The following CCT2 variants were observed in gnomAD, a reference collection of about 807,000 sequenced individuals.
CCT2 encodes chaperonin containing TCP1 subunit 2.
Under a neutral mutation model 61.8 loss-of-function variants are expected in CCT2, and 18 were observed. The ratio of observed to expected loss-of-function variants is 0.29; its 90% CI spans 0.20 to 0.43. The LOEUF is 0.43. CCT2 is among the 20% of genes least tolerant of loss of function. CCT2 has a pLI of 1.00. For synonymous variants in CCT2, 248 were observed against 215.9 expected (o/e 1.15, Z -1.30); for missense variants, 556 against 656.9 (o/e 0.85, Z 1.68).
intron 15 of CCT2, 28 bp downstream of exon 15, chr12:69,600,032 T>G (rs1447644297): frequency 1.3e-6 from 2 of 1,578,074 alleles, no homozygotes; most frequent in East Asian, 4.5e-5. Context: ...TCAGAAAAAA[T>G]TACTAACAGC....
intron 14 of CCT2, 79 bp from the exon 15 acceptor site, chr12:69,599,784 A>T: frequency 1.7e-6 from 2 of 1,197,266 alleles, no homozygotes; most frequent in Non-Finnish European, 2.4e-6. Context: ...TAATAGGATT[A>T]ATTTTTATTA....
At chr12:69,587,055 T>C (rs1438421068) in intron 3 of CCT2, 1 of 415,710 alleles carries the variant, frequency 2.4e-6, no homozygotes, top group Non-Finnish European at 4.2e-6. Context: ...TCTGTTTATG[T>C]AGAAGTATGT....
intron 8 of CCT2, 47 bp from the exon 9 acceptor site, chr12:69,592,929 A>C: frequency 6.3e-7 from 1 of 1,590,814 alleles, no homozygotes; most frequent in African/African-American, 1.4e-5. Flanking sequence ...CTCAATCTCA[A>C]AAAAAATAAT....
At chr12:69,595,813 CTG>C (rs1276804826) in intron 10 of CCT2, among the ~76,000 whole-genome samples, 5 of 151,674 alleles carry the variant, frequency 3.3e-5, no homozygotes, top group African/African-American at 1.2e-4. Context: ...AGTACACCAA[CTG>C]TATGTCTATG....
chr12:69,601,565 C>T lies in CCT2; in HGVS notation c.*240C>T. On this transcript the variant is annotated 3_prime_UTR_variant, in exon 16 of 16. Coordinates refer to ENST00000299300, the MANE Select transcript of CCT2 (RefSeq NM_006431.3). The stretch of plus-strand genomic sequence containing the variant: ...CTGTGCATTAAAATAAAAATTTGAA[C>T]AATTACTTGGTTCTTATGTCTTATA... The T allele has an allele frequency of 7.7e-7, 1 of 1,299,420 alleles. No individual in the cohort carries two copies. Among genetic ancestry groups the T allele is most frequent in the Non-Finnish European group, 1.0e-6 (1 of 998,298 alleles). The allele number at this position is 1,299,420 out of a possible 1,614,324, so 80.5% of individuals were successfully genotyped here.
intron 10 of CCT2, among the ~76,000 whole-genome samples, chr12:69,596,551 TTGGTC>T (rs1881998926): frequency 6.6e-6 from 1 of 152,158 alleles, no homozygotes. Flanking sequence ...CTTATTAAAT[TTGGTC>T]TGGGAAATTC....
At chr12:69,588,289 TA>T in intron 6 of CCT2, 27 bp downstream of exon 6, 2 of 1,463,630 alleles carry the variant, frequency 1.4e-6, no homozygotes, top group South Asian at 1.1e-5. Flanking sequence ...ACTACTGTTC[TA>T]AACATTTAGT....
intron 3 of CCT2, chr12:69,587,090 C>A: frequency 2.8e-6 from 1 of 363,210 alleles, no homozygotes; most frequent in Non-Finnish European, 4.9e-6. Flanking sequence ...ATTTTATACT[C>A]ATGTAACATA....
chr12:69,594,991 A>G (rs1881945322), intron 10 of CCT2, among the ~76,000 whole-genome samples: 1 of 152,244 alleles, frequency 6.6e-6, no homozygotes, highest in Non-Finnish European at 1.5e-5. Context: ...CCTGGAAAAT[A>G]AGTTTAACAC....
At position 69,585,474 on chromosome 12, in the gene CCT2, A is replaced by C. The variant is rs897301575; in HGVS notation, c.-48A>C. ...GGCTTCCTTCAGTCCGCTGGTCCCGAGCACGAGCTGTGAGGGGATTCACTT... is the reference window on the plus strand; with the variant it reads ...GGCTTCCTTCAGTCCGCTGGTCCCGCGCACGAGCTGTGAGGGGATTCACTT... On this transcript the variant is annotated 5_prime_UTR_variant, in exon 1 of 16. Transcript: ENST00000299300. 1.3e-6 allele frequency: 2 copies of C among 1,555,154 alleles called. No homozygotes were observed. The highest frequency in any genetic ancestry group is 1.9e-5 in the Admixed American group (1 of 51,448).
In CCT2 at chr12:69,590,223, C is replaced by T. The variant is rs568873252; in HGVS notation, c.649+536C>T. ...ATTTGAAACCCATGTATATAGTGGGCCAGCTTTTCAAATCTGCTGGTTCCA... is the reference window on the plus strand; with the variant it reads ...ATTTGAAACCCATGTATATAGTGGGTCAGCTTTTCAAATCTGCTGGTTCCA... On this transcript the variant is annotated intron_variant, in intron 7 of 15. Coordinates refer to ENST00000299300, the MANE Select transcript of CCT2 (RefSeq NM_006431.3). Among the ~76,000 whole-genome samples, 7 of 152,242 alleles carry T rather than the reference C, an allele frequency of 4.6e-5. No individual in the cohort carries two copies. In the South Asian group the frequency reaches 1.5e-3, roughly 32 times the overall value.
chr12:69,586,765 G>A lies in CCT2; in HGVS notation c.91G>A (p.Gly31Ser), dbSNP rs1881676514. The change falls in exon 3 of 16, where the codon GGT becomes AGT. Residue 31 changes from glycine (G) to serine (S), a missense_variant. Physicochemically the swap from Gly to Ser is moderately conservative, Grantham distance 56. Around this residue, in one of 3 missense-constraint regions of CCT2, gnomAD observed 308 missense variants for 350.6 expected, o/e 0.88. Transcript: ENST00000299300. ...GTTTTTACTCCAGACTTCTTTTATT[G>A]GTGCCATCGCCATTGGAGACTTGGT... The part of the protein sequence containing the change: ...AETARLTSFI[G>S]AIAIGDLVKS... The A allele has an allele frequency of 8.8e-6, 14 of 1,598,678 alleles. No homozygotes were observed. The highest frequency in any genetic ancestry group is 1.2e-5 in the Non-Finnish European group (14 of 1,174,112).
chr12:69,597,704 T>C lies in CCT2; in HGVS notation c.1169T>C (p.Leu390Ser). ...QQILDEAERS[L>S]HDALCVLAQT... is the part of the protein sequence containing the mutation. ...ATTTTAGATGAAGCAGAAAGATCAT[T>C]GCATGATGCTCTTTGTGTTCTTGCG... The change falls in exon 12 of 16, where the codon TTG becomes TCG. Residue 390 changes from leucine to serine, a missense_variant. Leu to Ser is a moderately radical substitution (Grantham distance 145). Coordinates refer to ENST00000299300, the MANE Select transcript of CCT2 (RefSeq NM_006431.3). 1.2e-6 allele frequency: 2 copies of C among 1,612,044 alleles called. No homozygotes were observed. Among genetic ancestry groups the C allele is most frequent in the Non-Finnish European group, 1.7e-6 (2 of 1,178,076 alleles).
At chr12:69,587,679 C>G in intron 4 of CCT2, 63 bp downstream of exon 4, 2 of 1,070,860 alleles carry the variant, frequency 1.9e-6, no homozygotes, top group Non-Finnish European at 2.9e-6. Flanking sequence ...TTTGAAATAA[C>G]TTTATAAATA....
chr12:69,586,021 T>C lies in CCT2; in HGVS notation c.4-249T>C, dbSNP rs949753560. On this transcript the variant is annotated intron_variant, in intron 1 of 15. Transcript: ENST00000299300. ...TCTTTAGTCTCGCTGTACGTAACTGTCAATCTCGCTGGTGTATAATTTATA... is the reference window on the plus strand; with the variant it reads ...TCTTTAGTCTCGCTGTACGTAACTGCCAATCTCGCTGGTGTATAATTTATA... 2.2e-6 allele frequency: 3 copies of C among 1,370,106 alleles called. No individual in the cohort carries two copies. In the African/African-American group the frequency reaches 4.4e-5, roughly 20 times the overall value. 84.9% of individuals were successfully genotyped at this position (1,370,106 alleles called of 1,614,324 possible). A position where few individuals can be genotyped will look rare whatever the true frequency, so the allele number is the denominator to read the frequency against.
chr12:69,586,492 ACC>A (rs1349251226), intron 2 of CCT2, 148 bp downstream of exon 2: 1 of 659,766 alleles, frequency 1.5e-6, no homozygotes, highest in African/African-American at 1.8e-5. Context: ...ACATGGTAAA[ACC>A]CCGTTTCTAC....
chr12:69,588,318 T>C, intron 6 of CCT2, 56 bp downstream of exon 6: 1 of 1,233,778 alleles, frequency 8.1e-7, no homozygotes, highest in Non-Finnish European at 1.2e-6. Context: ...CATAACATGC[T>C]TAATGCAAGA....
Position 69,587,970 on chromosome 12 carries a change from T to A in CCT2, c.297T>A (p.Thr99=). 2 of 1,613,738 alleles carry A rather than the reference T, an allele frequency of 1.2e-6. No individual in the cohort carries two copies. Among genetic ancestry groups the A allele is most frequent in the Middle Eastern group, 1.7e-4 (1 of 6,060 alleles). Residue 99 remains threonine, a synonymous_variant, in exon 5 of 16, where the codon ACT becomes ACA. Coordinates refer to ENST00000299300, the MANE Select transcript of CCT2 (RefSeq NM_006431.3). The part of the protein sequence containing the change: ...RVQDDEVGDG[T]TSVTVLAAEL... ...AAGATGATGAAGTTGGTGATGGCAC[T>A]ACCTCTGTTACCGTTTTAGCAGCAG...
chr12:69,589,505 G>T lies in CCT2; in HGVS notation c.467G>T (p.Arg156Leu), dbSNP rs114228489. ...VDHGSDEVKFRQDLMNIAGTT... is the reference protein window; with the variant it reads ...VDHGSDEVKFLQDLMNIAGTT... ...TTTAGTTCCGATGAAGTTAAATTCC[G>T]TCAAGATTTAATGAATATTGCGGGC... The change falls in exon 7 of 16, where the codon CGT (arginine) becomes CTT (leucine). Residue 156 changes from arginine to leucine, a missense_variant. This residue lies in a region of CCT2 where 308 missense variants were observed against 350.6 expected (regional missense o/e 0.88). Coordinates refer to ENST00000299300, the MANE Select transcript of CCT2 (RefSeq NM_006431.3). The T allele has an allele frequency of 6.2e-7, 1 of 1,613,876 alleles. No individual in the cohort carries two copies. The highest frequency in any genetic ancestry group is 8.5e-7 in the Non-Finnish European group (1 of 1,179,864).
Sources: gnomAD v4.1 joint callset for allele counts (sites outside exome capture counted in the v4.1 genomes callset) on GRCh38, gnomAD v4.1.1 for gene constraint, gnomAD v4.1.1 regional missense constraint, MANE v1.5 for transcripts, NCBI Gene and HGNC (gene_info 2026-07-23, HGNC 2026-07-21) for gene names.